The following DNAH8 variants were observed in gnomAD, a reference collection of about 807,000 sequenced individuals.
The protein encoded by DNAH8 is dynein axonemal heavy chain 8.
Under a neutral mutation model 562.1 loss-of-function variants are expected in DNAH8, and 382 were observed. That is an observed-to-expected ratio of 0.68 (90% CI 0.63 to 0.74). DNAH8 has a LOEUF of 0.74. Ranked by LOEUF, DNAH8 falls within the 30% of genes least tolerant of loss-of-function variation. DNAH8 has a pLI of 0.00. For missense variants in DNAH8, 5,203 were observed against 5,620.4 expected (o/e 0.93, Z 2.37); for synonymous variants, 1,881 against 1,919.4 (o/e 0.98, Z 0.52).
chr6:38,863,647 C>T (rs1209707836), intron 44 of DNAH8, among the ~76,000 whole-genome samples: 1 of 152,166 alleles, frequency 6.6e-6, no homozygotes, highest in Non-Finnish European at 1.5e-5. Context: ...AAAATTTGTA[C>T]TTTCATCTTA....
intron 36 of DNAH8, among the ~76,000 whole-genome samples, chr6:38,846,202 A>T (rs1274463620): frequency 1.3e-5 from 2 of 152,070 alleles, no homozygotes; most frequent in Non-Finnish European, 2.9e-5. Context: ...ACAGCAATCT[A>T]CCCATTAGGG....
rs145798237 is a variant in DNAH8, at chr6:38,781,264, C to G, written c.2150C>G (p.Ser717Cys). The change falls in exon 16 of 93, where the codon TCT (serine) becomes TGT (cysteine). Residue 717 changes from serine to cysteine, a missense_variant. Ser to Cys is a moderately radical substitution (Grantham distance 112, BLOSUM62 -1). This residue lies in a region of DNAH8 where 2,176 missense variants were observed against 2,365.1 expected (regional missense o/e 0.92). Coordinates refer to ENST00000327475, the MANE Select transcript of DNAH8 (RefSeq NM_001206927.2). ...ELDATKKLYHSQKDDPPLARN... is the reference protein window; with the variant it reads ...ELDATKKLYHCQKDDPPLARN... ...GATTTTTAATTACAGCTTTATCATT[C>G]TCAGAAAGATGACCCCCCTCTTGCT... 159 of 1,613,684 alleles carry G rather than the reference C, an allele frequency of 9.9e-5. 1 individual carries two copies. In the African/African-American group the frequency reaches 1.9e-3, roughly 19 times the overall value.
At chr6:38,862,223 C>A in intron 43 of DNAH8, 57 bp from the exon 44 acceptor site, 1 of 1,504,700 alleles carries the variant, frequency 6.6e-7, no homozygotes. Flanking sequence ...TTTGCTTGCG[C>A]CATCCTGTAA....
chr6:39,019,142 T>C (rs914775449), intron 91 of DNAH8, among the ~76,000 whole-genome samples: 3 of 151,648 alleles, frequency 2.0e-5, no homozygotes, highest in African/African-American at 7.3e-5. Context: ...GTGGGAGGAA[T>C]GAAGGAGGGA....
At chr6:39,005,395 C>T (rs1379851724) in intron 88 of DNAH8, among the ~76,000 whole-genome samples, 2 of 152,146 alleles carry the variant, frequency 1.3e-5, no homozygotes, top group African/African-American at 4.8e-5. Context: ...CAGAGTAAGA[C>T]TCTGTCTCAA....
chr6:38,719,081 C>T (rs1214475596), intron 1 of DNAH8, among the ~76,000 whole-genome samples: 1 of 152,166 alleles, frequency 6.6e-6, no homozygotes, highest in African/African-American at 2.4e-5. Context: ...CACAATTTAA[C>T]ATTCTTGATT....
chr6:38,786,345 A>C (rs1297830498), intron 17 of DNAH8, among the ~76,000 whole-genome samples: 1 of 152,208 alleles, frequency 6.6e-6, no homozygotes, highest in Admixed American at 6.5e-5. Flanking sequence ...AGCCTCTTTA[A>C]AGAAGACAGT....
chr6:38,747,366 TTTTC>T (rs1475557076), intron 8 of DNAH8, among the ~76,000 whole-genome samples: 7 of 141,130 alleles, frequency 5.0e-5, no homozygotes, highest in African/African-American at 1.8e-4. Flanking sequence ...CTGTTTGTCA[TTTTC>T]TTTTTTTCTT....
intron 53 of DNAH8, 60 bp downstream of exon 53, chr6:38,875,888 C>A: frequency 9.6e-7 from 1 of 1,036,300 alleles, no homozygotes; most frequent in Non-Finnish European, 1.5e-6. Context: ...AAAATATAAG[C>A]TTTCATAAAC....
chr6:38,868,327 A>C (rs1384217226), intron 48 of DNAH8, 131 bp downstream of exon 48: 2 of 882,024 alleles, frequency 2.3e-6, no homozygotes, highest in Non-Finnish European at 3.3e-6. Context: ...GTGCAAAGCT[A>C]CCACTGTGCT....
At chr6:38,764,143 A>C (rs1766769162) in intron 11 of DNAH8, 2 of 153,356 alleles carry the variant, frequency 1.3e-5, no homozygotes, top group African/African-American at 4.8e-5. Flanking sequence ...CCTCATCTAC[A>C]AAAACACTAG....
chr6:38,830,511 T>C (rs375497723), intron 30 of DNAH8, among the ~76,000 whole-genome samples: 1 of 151,812 alleles, frequency 6.6e-6, no homozygotes, highest in East Asian at 1.9e-4. Context: ...GGCAGGCACC[T>C]GTAGTCCCAG....
chr6:38,850,436 C>G, intron 38 of DNAH8, 22 bp downstream of exon 38: 1 of 1,600,808 alleles, frequency 6.2e-7, no homozygotes, highest in Non-Finnish European at 8.5e-7. Flanking sequence ...ATTTTTAAAT[C>G]ACATATCATT....
chr6:38,971,556 G>T (rs750452097), intron 82 of DNAH8, 36 bp from the exon 83 acceptor site: 4 of 1,300,432 alleles, frequency 3.1e-6, no homozygotes, highest in Non-Finnish European at 3.2e-6. Context: ...TGTAAGAGTT[G>T]TGTTTCATCA....
At chr6:38,796,267 C>G (rs1167649972) in intron 21 of DNAH8, among the ~76,000 whole-genome samples, 1 of 152,202 alleles carries the variant, frequency 6.6e-6, no homozygotes, top group Non-Finnish European at 1.5e-5. Context: ...AGGTCCCTCT[C>G]TGAGCTCCTG....
At chr6:38,809,143 A>G (rs909997406) in intron 24 of DNAH8, among the ~76,000 whole-genome samples, 1 of 151,254 alleles carries the variant, frequency 6.6e-6, no homozygotes, top group East Asian at 1.9e-4. Flanking sequence ...TTTTCTATCG[A>G]ATTGGATTAA....
chr6:38,886,691 G>A (rs1186953367), intron 56 of DNAH8, 100 bp from the exon 57 acceptor site: 5 of 955,560 alleles, frequency 5.2e-6, no homozygotes, highest in African/African-American at 1.6e-5. Flanking sequence ...ATTGATAAGA[G>A]TTTAATGTTT....
intron 3 of DNAH8, among the ~76,000 whole-genome samples, chr6:38,726,826 G>T (rs1763256110): frequency 6.6e-6 from 1 of 151,230 alleles, no homozygotes; most frequent in African/African-American, 2.4e-5. Context: ...TAGGAAATTG[G>T]GGGTATATGG....
Position 38,734,524 on chromosome 6 carries a change from T to C in DNAH8, c.661T>C (p.Leu221=), listed in dbSNP as rs149710467. The change falls in exon 5 of 93, where the codon TTG becomes CTG. Residue 221 remains leucine (L), a synonymous_variant. Transcript: ENST00000327475. ...AACTAAAGGGGCAAAAATGATGAAA[T>C]TGTATATAGACAATGCAGCCCCGGA... The part of the protein sequence containing the change: ...GATKGAKMMK[L]YIDNAAPDKL... The C allele has an allele frequency of 5.0e-6, 8 of 1,613,730 alleles. No homozygotes were observed. Among genetic ancestry groups the C allele is most frequent in the African/African-American group, 4.0e-5 (3 of 74,910 alleles).
Sources: gnomAD v4.1 joint callset for allele counts (sites outside exome capture counted in the v4.1 genomes callset) on GRCh38, gnomAD v4.1.1 for gene constraint, gnomAD v4.1.1 regional missense constraint, MANE v1.5 for transcripts, NCBI Gene and HGNC (gene_info 2026-07-23, HGNC 2026-07-21) for gene names.